SNTB2: variants seen among roughly 807,000 people sequenced by gnomAD.
SNTB2 encodes the protein beta-2-syntrophin.
Under a neutral mutation model 46.2 loss-of-function variants are expected in SNTB2, and 34 were observed. The ratio of observed to expected loss-of-function variants is 0.74; its 90% CI spans 0.56 to 0.98. The LOEUF is 0.98. Ranked by LOEUF, SNTB2 falls within the 50% of genes least tolerant of loss-of-function variation. SNTB2 has a pLI of 0.00. For synonymous variants in SNTB2, 290 were observed against 312.6 expected, an observed-to-expected ratio of 0.93 and a Z score of 0.76; for missense variants, 603 against 731.4, an observed-to-expected ratio of 0.82 and a Z score of 2.02.
rs1965316313 is a variant in SNTB2 at position 69,306,352 on chromosome 16, A to G, written c.*5428A>G. 1.3e-5 allele frequency: 2 copies of G among 152,248 alleles called. No individual in the cohort carries two copies. The highest frequency in any genetic ancestry group is 4.8e-5 in the African/African-American group (2 of 41,468). The allele number at this position is 152,248 out of a possible 1,614,324, so 9.4% of individuals were successfully genotyped here. On this transcript the variant is annotated 3_prime_UTR_variant, in exon 7 of 7. Transcript: ENST00000336278. ...TAAGTTTCTTCTTTTGTTTCAAAAC[A>G]AACTTGAGCTTCATTTCTTGCCACC...
rs1449449109 is a variant in SNTB2, at chr16:69,304,674, T to C, written c.*3750T>C. The C allele has an allele frequency of 6.6e-6, 1 of 151,966 alleles. No homozygotes were observed. Among genetic ancestry groups the C allele is most frequent in the Non-Finnish European group, 1.5e-5 (1 of 67,990 alleles). 9.4% of individuals were successfully genotyped at this position (151,966 alleles called of 1,614,324 possible). ...GAATTTGTTCTTTTTTTTCCTTCTTTTTTTTTTGAGACAGGTTCTCACTCT... is the reference window on the plus strand; with the variant it reads ...GAATTTGTTCTTTTTTTTCCTTCTTCTTTTTTTGAGACAGGTTCTCACTCT... On this transcript the variant is annotated 3_prime_UTR_variant, in exon 7 of 7. Transcript: ENST00000336278.
intron 5 of SNTB2, among the ~76,000 whole-genome samples, chr16:69,297,589 C>G (rs1396041077): frequency 6.8e-6 from 1 of 148,034 alleles, no homozygotes; most frequent in Non-Finnish European, 1.5e-5. Context: ...CTGCACCAGC[C>G]TGGGAGACAG....
chr16:69,255,191 G>A (rs1964761535), intron 2 of SNTB2, among the ~76,000 whole-genome samples: 1 of 151,932 alleles, frequency 6.6e-6, no homozygotes, highest in African/African-American at 2.4e-5. Context: ...TCGAACTCCT[G>A]TGCTCAAGAG....
chr16:69,210,462 T>C (rs1207244891), intron 1 of SNTB2, among the ~76,000 whole-genome samples: 1 of 152,006 alleles, frequency 6.6e-6, no homozygotes, highest in Non-Finnish European at 1.5e-5. Flanking sequence ...GTTCTTGAAC[T>C]CCTGATATCA....
intron 1 of SNTB2, among the ~76,000 whole-genome samples, chr16:69,228,839 A>ATGTTT (rs1037362877): frequency 6.6e-6 from 1 of 152,174 alleles, no homozygotes; most frequent in African/African-American, 2.4e-5. Flanking sequence ...ATGGTATATT[A>ATGTTT]TGTTTTGCAA....
At chr16:69,211,555 G>T (rs1480863450) in intron 1 of SNTB2, among the ~76,000 whole-genome samples, 8 of 151,164 alleles carry the variant, frequency 5.3e-5, no homozygotes, top group Non-Finnish European at 1.2e-4. Flanking sequence ...AAAAAAAAAG[G>T]GAAAGAAAAG....
At chr16:69,231,585 A>T (rs1964506938) in intron 1 of SNTB2, among the ~76,000 whole-genome samples, 1 of 152,210 alleles carries the variant, frequency 6.6e-6, no homozygotes, top group Non-Finnish European at 1.5e-5. Flanking sequence ...GTGAAACTCC[A>T]TCTCAAAACA....
intron 1 of SNTB2, among the ~76,000 whole-genome samples, chr16:69,229,854 A>C (rs892268463): frequency 4.8e-5 from 7 of 144,412 alleles, no homozygotes; most frequent in East Asian, 2.0e-4. Context: ...AAAAAAAAAA[A>C]AAAACTCACT....
intron 1 of SNTB2, among the ~76,000 whole-genome samples, chr16:69,216,952 T>A (rs1295709501): frequency 1.3e-5 from 2 of 152,142 alleles, no homozygotes; most frequent in Non-Finnish European, 1.5e-5. Flanking sequence ...GGCTCCTTAG[T>A]ACTTCCAATG....
intron 3 of SNTB2, among the ~76,000 whole-genome samples, chr16:69,260,792 G>C (rs1224642490): frequency 1.3e-5 from 2 of 152,146 alleles, no homozygotes; most frequent in African/African-American, 4.8e-5. Context: ...GGGGCAGCAG[G>C]CTATAGTTGA....
intron 2 of SNTB2, 68 bp downstream of exon 2, chr16:69,245,883 T>C (rs2143042531): frequency 6.8e-7 from 1 of 1,472,098 alleles, no homozygotes. Context: ...TGCAGTATTA[T>C]ATGACTCTGT....
chr16:69,245,454 C>G, intron 1 of SNTB2, 148 bp from the exon 2 acceptor site: 1 of 733,974 alleles, frequency 1.4e-6, no homozygotes, highest in South Asian at 1.7e-5. Flanking sequence ...CTCGGCCTCC[C>G]AAAGTGCTGG....
chr16:69,197,265 A>G (rs927675314), intron 1 of SNTB2, among the ~76,000 whole-genome samples: 5 of 152,136 alleles, frequency 3.3e-5, no homozygotes, highest in Admixed American at 3.3e-4. Flanking sequence ...AGTAGTAGGA[A>G]TGTATTTTGG....
chr16:69,197,941 A>G lies in SNTB2; in HGVS notation c.580+10195A>G, dbSNP rs1964120149. Among the ~76,000 whole-genome samples the G allele has an allele frequency of 2.0e-5, 3 of 152,214 alleles. No homozygotes were observed. In the South Asian group the frequency reaches 6.2e-4, roughly 31 times the overall value. ...AGGATAAAAATACATATTTTTTACA[A>G]TGAACACAAAGTAATTGAAAAAATT... On this transcript the variant is annotated intron_variant, in intron 1 of 6. Coordinates refer to ENST00000336278, the MANE Select transcript of SNTB2 (RefSeq NM_006750.4).
chr16:69,216,036 G>C (rs1964343979), intron 1 of SNTB2, among the ~76,000 whole-genome samples: 1 of 152,178 alleles, frequency 6.6e-6, no homozygotes, highest in Non-Finnish European at 1.5e-5. Context: ...GGCTGGTCCT[G>C]AACTTCTGGG....
At chr16:69,233,209 G>A (rs971644945) in intron 1 of SNTB2, among the ~76,000 whole-genome samples, 1 of 152,128 alleles carries the variant, frequency 6.6e-6, no homozygotes, top group Non-Finnish European at 1.5e-5. Context: ...AAATGACAAG[G>A]CAATAAAGGG....
intron 1 of SNTB2, among the ~76,000 whole-genome samples, chr16:69,233,060 T>C (rs538552895): frequency 1.3e-5 from 2 of 152,298 alleles, no homozygotes; most frequent in East Asian, 3.9e-4. Flanking sequence ...AACTGAAAAT[T>C]CCAAGATCAC....
At chr16:69,282,769 G>A (rs894042937) in intron 4 of SNTB2, among the ~76,000 whole-genome samples, 6 of 147,854 alleles carry the variant, frequency 4.1e-5, no homozygotes, top group Non-Finnish European at 9.0e-5. Flanking sequence ...TTTCTTTCAG[G>A]AAAGTTTTGA....
At chr16:69,290,747 A>G (rs537025216) in intron 5 of SNTB2, among the ~76,000 whole-genome samples, 1 of 152,336 alleles carries the variant, frequency 6.6e-6, no homozygotes, top group South Asian at 2.1e-4. Context: ...AATGAAATAC[A>G]GGCATCATCT....
Sources: allele counts gnomAD v4.1 joint callset (sites outside exome capture counted in the v4.1 genomes callset), GRCh38; gene constraint gnomAD v4.1.1; transcripts MANE v1.5; gene names NCBI Gene and HGNC (gene_info 2026-07-23, HGNC 2026-07-21).